Variants in STK31 observed in about 807,000 individuals in gnomAD.
STK31 encodes serine/threonine kinase 31, also known as serine/threonine-protein kinase 31.
STK31 carries 89 observed loss-of-function variants against 129.7 expected under a neutral mutation model. The ratio of observed to expected loss-of-function variants is 0.69; its 90% CI spans 0.58 to 0.82. The LOEUF is 0.82. STK31 is among the 40% of genes least tolerant of loss of function. The pLI is 0.00. For missense variants in STK31, 1,187 were observed against 1,176.4 expected (o/e 1.01, Z -0.13); for synonymous variants, 448 against 395.3 (o/e 1.13, Z -1.58).
chr7:23,782,269 T>A (rs1372648626), intron 16 of STK31, among the ~76,000 whole-genome samples: 1 of 151,514 alleles, frequency 6.6e-6, no homozygotes, highest in African/African-American at 2.4e-5. Flanking sequence ...GCCCGGGAGT[T>A]TGAGACCAGC....
At chr7:23,823,133 A>G (rs948577543) in intron 23 of STK31, among the ~76,000 whole-genome samples, 3 of 152,182 alleles carry the variant, frequency 2.0e-5, no homozygotes, top group Non-Finnish European at 4.4e-5. Context: ...GGCTGGGTCA[A>G]ATGGTATTTC....
At chr7:23,712,363 C>A in intron 3 of STK31, 77 bp downstream of exon 3, 1 of 1,357,832 alleles carries the variant, frequency 7.4e-7, no homozygotes, top group Non-Finnish European at 1.0e-6. Flanking sequence ...AAAATAAAAC[C>A]CAGGAATAAA....
intron 4 of STK31, among the ~76,000 whole-genome samples, chr7:23,718,315 G>A (rs547326835): frequency 4.1e-4 from 62 of 152,250 alleles, no homozygotes; most frequent in Admixed American, 2.5e-3. Flanking sequence ...TCTTTATGCA[G>A]AGCAATTTGG....
intron 10 of STK31, among the ~76,000 whole-genome samples, chr7:23,762,238 C>A (rs1463538344): frequency 7.1e-6 from 1 of 140,092 alleles, no homozygotes; most frequent in East Asian, 2.2e-4. Context: ...CCTCCCCCCT[C>A]CCTCCACCCC....
At chr7:23,800,737 T>TA (rs548859911) in intron 22 of STK31, among the ~76,000 whole-genome samples, 1 of 151,822 alleles carries the variant, frequency 6.6e-6, no homozygotes, top group Non-Finnish European at 1.5e-5. Flanking sequence ...TCCCAGAACT[T>TA]AAAGTATATA....
At chr7:23,740,306 T>A (rs1310102079) in intron 8 of STK31, among the ~76,000 whole-genome samples, 1 of 152,198 alleles carries the variant, frequency 6.6e-6, no homozygotes, top group Non-Finnish European at 1.5e-5. Context: ...TTCTTTTTGA[T>A]GCACACATTA....
chr7:23,760,492 ATGAT>A (rs1002647745), intron 10 of STK31, among the ~76,000 whole-genome samples: 1 of 152,210 alleles, frequency 6.6e-6, no homozygotes, highest in African/African-American at 2.4e-5. Context: ...TGACAGCAGA[ATGAT>A]TAATTTTTTA....
intron 5 of STK31, among the ~76,000 whole-genome samples, chr7:23,728,031 T>C (rs902477079): frequency 2.6e-5 from 4 of 151,688 alleles, no homozygotes; most frequent in Non-Finnish European, 5.9e-5. Context: ...TGCCACTTTC[T>C]TATGCCTGGG....
intron 23 of STK31, among the ~76,000 whole-genome samples, chr7:23,829,000 A>G (rs1485457897): frequency 2.0e-5 from 3 of 151,828 alleles, no homozygotes; most frequent in African/African-American, 7.3e-5. Context: ...CCTGGGTTCA[A>G]GCAGTTCTCT....
chr7:23,751,147 T>G (rs1242135779), intron 8 of STK31, among the ~76,000 whole-genome samples: 1 of 152,190 alleles, frequency 6.6e-6, no homozygotes, highest in Admixed American at 6.5e-5. Flanking sequence ...GTGCCTGGCT[T>G]ATTTCACTTA....
Position 23,735,601 on chromosome 7 carries a change from T to A in STK31, c.547T>A (p.Ser183Thr), listed in dbSNP as rs140539262. 5.0e-4 allele frequency: 800 copies of A among 1,613,538 alleles called. 1 individual carries two copies. The East Asian group carries it at 0.017, about 33-fold the overall frequency. ...AATAAAAATGAGAATTAAAGCAACCTCTGAAGATGGAACAGTTATTGCTCA... is the reference window on the plus strand; with the variant it reads ...AATAAAAATGAGAATTAAAGCAACCACTGAAGATGGAACAGTTATTGCTCA... ...KEIKMRIKATSEDGTVIAQAE... is the reference protein window; with the variant it reads ...KEIKMRIKATTEDGTVIAQAE... Residue 183 changes from serine to threonine, a missense_variant, in exon 7 of 24, where the codon TCT becomes ACT. Physicochemically the swap from Ser to Thr is moderately conservative, Grantham distance 58. Coordinates refer to ENST00000355870, the MANE Select transcript of STK31 (RefSeq NM_031414.5).
chr7:23,774,816 A>C (rs111526126), intron 15 of STK31, among the ~76,000 whole-genome samples: 20 of 152,174 alleles, frequency 1.3e-4, no homozygotes, highest in African/African-American at 4.6e-4. Context: ...TTTTGTTGCC[A>C]TTGCTTTTGG....
In STK31 at chr7:23,712,240, A is replaced by T; in HGVS notation, c.104A>T (p.Asp35Val). The T allele has an allele frequency of 6.2e-7, 1 of 1,614,110 alleles. No individual in the cohort carries two copies. Among genetic ancestry groups the T allele is most frequent in the Non-Finnish European group, 8.5e-7 (1 of 1,179,984 alleles). The change falls in exon 3 of 24, where the codon GAT becomes GTT. Residue 35 changes from aspartate (D) to valine (V), a missense_variant. Coordinates refer to ENST00000355870, the MANE Select transcript of STK31 (RefSeq NM_031414.5). ...TATTGTGATTTGATTTTAGTGGAAG[A>T]TGTGGTTGGAAGTCACATAGAAGAT... is the stretch of plus-strand genomic sequence containing the variant. ...DEDTHYDKVE[D>V]VVGSHIEDAV... is the part of the protein sequence containing the mutation.
At chr7:23,773,958 G>A (rs1356655438) in intron 15 of STK31, among the ~76,000 whole-genome samples, 2 of 150,928 alleles carry the variant, frequency 1.3e-5, no homozygotes, top group Non-Finnish European at 2.9e-5. Context: ...CAGACCCCGG[G>A]GTGTGATGGT....
chr7:23,710,243 C>G lies in STK31; in HGVS notation c.-43C>G, dbSNP rs367622084. On this transcript the variant is annotated 5_prime_UTR_variant, in exon 1 of 24. Coordinates refer to ENST00000355870, the MANE Select transcript of STK31 (RefSeq NM_031414.5). ...TGCGGTCGAAGCTCACGCGGTAAGC[C>G]GCTGCACGTGTGCTACGGCGGGCGG... 1.1e-4 allele frequency: 177 copies of G among 1,609,944 alleles called. No homozygotes were observed. The African/African-American group carries it at 2.2e-3, about 20-fold the overall frequency.
intron 22 of STK31, among the ~76,000 whole-genome samples, chr7:23,797,291 C>T (rs941288629): frequency 6.6e-6 from 1 of 152,300 alleles, no homozygotes; most frequent in East Asian, 1.9e-4. Context: ...GAACTCTCCA[C>T]CCCAAATCAA....
At chr7:23,802,801 A>C (rs1792461976) in intron 22 of STK31, among the ~76,000 whole-genome samples, 1 of 152,194 alleles carries the variant, frequency 6.6e-6, no homozygotes, top group African/African-American at 2.4e-5. Context: ...GGAGTGAGCC[A>C]CTGCGCCTGG....
At chr7:23,809,680 AG>A (rs1370102944) in intron 22 of STK31, among the ~76,000 whole-genome samples, 2 of 152,202 alleles carry the variant, frequency 1.3e-5, no homozygotes, top group Admixed American at 1.3e-4. Context: ...GGGCCAACAC[AG>A]TTCAAATCTA....
chr7:23,812,944 C>T (rs922893762), intron 22 of STK31, among the ~76,000 whole-genome samples: 2 of 152,042 alleles, frequency 1.3e-5, no homozygotes, highest in Admixed American at 6.6e-5. Context: ...TACACACCAC[C>T]GTTTCTTTAC....
Sources: gnomAD v4.1 joint callset for allele counts (sites outside exome capture counted in the v4.1 genomes callset) on GRCh38, gnomAD v4.1.1 for gene constraint, MANE v1.5 for transcripts, NCBI Gene and HGNC (gene_info 2026-07-23, HGNC 2026-07-21) for gene names.